LRMDA: variants seen among roughly 807,000 people sequenced by gnomAD.
LRMDA encodes leucine rich melanocyte differentiation associated, also known as leucine-rich melanocyte differentiation-associated protein.
A neutral mutation model predicts 29.8 loss-of-function variants in LRMDA; 18 were observed. The ratio of observed to expected loss-of-function variants is 0.60; its 90% CI spans 0.42 to 0.90. LRMDA has a LOEUF of 0.90. Among genes scored for constraint, LRMDA ranks in the 40% least tolerant of loss-of-function variants. The probability of loss-of-function intolerance (pLI) is 0.00; values close to 1 mark genes in which losing one functional copy is unlikely to be tolerated. For missense variants in LRMDA, 273 were observed against 273.9 expected (o/e 1.00, Z 0.02); for synonymous variants, 125 against 109.4 (o/e 1.14, Z -0.89).
At chr10:75,586,370 A>T (rs4093218) in intron 2 of LRMDA, among the ~76,000 whole-genome samples, 36,448 of 62,306 alleles carry the variant, frequency 0.58, 9,627 homozygotes, top group East Asian at 0.65. Context: ...TTTTTTTTTT[A>T]AATTAGAGAC....
At chr10:75,503,492 C>T (rs1035799149) in intron 2 of LRMDA, among the ~76,000 whole-genome samples, 1 of 151,268 alleles carries the variant, frequency 6.6e-6, no homozygotes, top group African/African-American at 2.4e-5. Context: ...AGTTTTCTTG[C>T]TTTATAATTG....
At chr10:76,085,636 G>A (rs1002203072) in intron 5 of LRMDA, among the ~76,000 whole-genome samples, 1 of 152,158 alleles carries the variant, frequency 6.6e-6, no homozygotes, top group African/African-American at 2.4e-5. Context: ...TCCTTGGAGA[G>A]TCGGTCTCTT....
At chr10:76,384,207 A>G (rs1035518087) in intron 6 of LRMDA, among the ~76,000 whole-genome samples, 3 of 152,162 alleles carry the variant, frequency 2.0e-5, no homozygotes, top group African/African-American at 4.8e-5. Flanking sequence ...GTCATTTTTC[A>G]TATTAAAAAA....
At chr10:75,806,551 C>G (rs1318679628) in intron 2 of LRMDA, among the ~76,000 whole-genome samples, 1 of 151,726 alleles carries the variant, frequency 6.6e-6, no homozygotes, top group African/African-American at 2.4e-5. Context: ...CTCCTTAGTA[C>G]ATTAAAGTAT....
At chr10:76,264,961 G>C (rs1839988833) in intron 5 of LRMDA, among the ~76,000 whole-genome samples, 1 of 152,220 alleles carries the variant, frequency 6.6e-6, no homozygotes, top group African/African-American at 2.4e-5. Context: ...ACAGGGGCCT[G>C]ACACCTTTCA....
intron 6 of LRMDA, among the ~76,000 whole-genome samples, chr10:76,350,384 A>C (rs1841160687): frequency 6.6e-6 from 1 of 152,162 alleles, no homozygotes; most frequent in Admixed American, 6.5e-5. Flanking sequence ...ATTTTCAAAA[A>C]ATAATTAAGT....
chr10:75,490,654 C>G (rs947127435), intron 2 of LRMDA, among the ~76,000 whole-genome samples: 2 of 152,064 alleles, frequency 1.3e-5, no homozygotes, highest in African/African-American at 4.8e-5. Flanking sequence ...ATTGATTATC[C>G]CAAGGCCTCT....
chr10:75,435,013 G>A (rs7906348), intron 1 of LRMDA, among the ~76,000 whole-genome samples: 7 of 152,304 alleles, frequency 4.6e-5, no homozygotes, highest in Non-Finnish European at 8.8e-5. Flanking sequence ...TTTCTTCTCC[G>A]TAGGGGTCTT....
intron 5 of LRMDA, among the ~76,000 whole-genome samples, chr10:76,217,818 C>A (rs942719617): frequency 2.0e-4 from 30 of 152,230 alleles, no homozygotes; most frequent in African/African-American, 7.0e-4. Context: ...CAGTGCATTA[C>A]CCTCTTCTCT....
At position 75,578,653 on chromosome 10, in the gene LRMDA, C is replaced by A. The variant is rs191265519; in HGVS notation, c.131+140159C>A. ...AAATTACCACATAATTGGAAGTAAA[C>A]CACTCCTCAGCAAATGCAAAAGAAT... On this transcript the variant is annotated intron_variant, in intron 2 of 6. Coordinates refer to ENST00000611255, the MANE Select transcript of LRMDA (RefSeq NM_001305581.2). Among the ~76,000 whole-genome samples, 17 of 152,088 alleles carry A rather than the reference C, an allele frequency of 1.1e-4. No homozygotes were observed. The East Asian group carries it at 3.1e-3, about 28-fold the overall frequency.
intron 2 of LRMDA, among the ~76,000 whole-genome samples, chr10:75,717,993 A>G (rs541888475): frequency 6.6e-6 from 1 of 152,318 alleles, no homozygotes; most frequent in South Asian, 2.1e-4. Flanking sequence ...GAGGAAGGAA[A>G]GCTTCCTAGT....
intron 2 of LRMDA, among the ~76,000 whole-genome samples, chr10:75,689,789 A>T (rs1262909444): frequency 6.6e-6 from 1 of 152,142 alleles, no homozygotes; most frequent in African/African-American, 2.4e-5. Context: ...TTTTCATCAG[A>T]AATGACCAGG....
chr10:76,330,030 T>A (rs1026966525), intron 6 of LRMDA, among the ~76,000 whole-genome samples: 27 of 152,196 alleles, frequency 1.8e-4, no homozygotes, highest in Admixed American at 1.1e-3. Flanking sequence ...GATGGGGAGA[T>A]GTTGGCCAGA....
chr10:76,334,820 A>C (rs1404443997), intron 6 of LRMDA, among the ~76,000 whole-genome samples: 1 of 152,116 alleles, frequency 6.6e-6, no homozygotes, highest in East Asian at 1.9e-4. Flanking sequence ...TTTTCATGAG[A>C]GCCGTAACAT....
At chr10:76,293,080 A>G (rs1840369398) in intron 5 of LRMDA, among the ~76,000 whole-genome samples, 1 of 152,174 alleles carries the variant, frequency 6.6e-6, no homozygotes, top group Non-Finnish European at 1.5e-5. Context: ...TCCCAGGTTC[A>G]TGCAATTCTC....
chr10:76,424,065 A>G lies in LRMDA; in HGVS notation c.601+99580A>G, dbSNP rs1388889095. Among the ~76,000 whole-genome samples the G allele has an allele frequency of 3.3e-5, 5 of 152,260 alleles. No homozygotes were observed. In the South Asian group the frequency reaches 8.3e-4, roughly 25 times the overall value. On this transcript the variant is annotated intron_variant, in intron 6 of 6. Coordinates refer to ENST00000611255, the MANE Select transcript of LRMDA (RefSeq NM_001305581.2). Reference sequence around the variant, plus strand: ...CTTAAGGGACTTACCCTTCCATTCCATCACTTTCTGCCATCAAAACTTTCC... The same window carrying G: ...CTTAAGGGACTTACCCTTCCATTCCGTCACTTTCTGCCATCAAAACTTTCC...
intron 5 of LRMDA, among the ~76,000 whole-genome samples, chr10:76,081,149 G>A (rs897810863): frequency 6.6e-6 from 1 of 152,222 alleles, no homozygotes; most frequent in African/African-American, 2.4e-5. Flanking sequence ...CTAGTTAGCA[G>A]TAGTCACACT....
At chr10:75,873,824 G>T (rs1458350938) in intron 2 of LRMDA, among the ~76,000 whole-genome samples, 1 of 152,186 alleles carries the variant, frequency 6.6e-6, no homozygotes, top group Non-Finnish European at 1.5e-5. Flanking sequence ...CAGCAGCAAG[G>T]AGAGGTGGCA....
At chr10:75,717,329 G>A (rs903897120) in intron 2 of LRMDA, among the ~76,000 whole-genome samples, 2 of 152,226 alleles carry the variant, frequency 1.3e-5, no homozygotes, top group African/African-American at 4.8e-5. Context: ...GTCTCCATCA[G>A]CTCCATTTGC....
Sources: allele counts gnomAD v4.1 joint callset (sites outside exome capture counted in the v4.1 genomes callset), GRCh38; gene constraint gnomAD v4.1.1; transcripts MANE v1.5; gene names NCBI Gene and HGNC (gene_info 2026-07-23, HGNC 2026-07-21).